The following GLRA3 variants were observed in gnomAD, a reference collection of about 807,000 sequenced individuals.
The protein encoded by GLRA3 is glycine receptor subunit alpha-3.
A neutral mutation model predicts 60.4 loss-of-function variants in GLRA3; 44 were observed. The observed-to-expected ratio is 0.73, with a 90% confidence interval of 0.57 to 0.94. The LOEUF (loss-of-function observed/expected upper bound fraction) is 0.94. Among genes scored for constraint, GLRA3 ranks in the 40% least tolerant of loss-of-function variants. The pLI, the probability that GLRA3 is intolerant of heterozygous loss-of-function variation, is 0.00. For synonymous variants in GLRA3, 223 were observed against 192.9 expected (o/e 1.16, Z -1.29); for missense variants, 508 against 564.6 (o/e 0.90, Z 1.02).
intron 5 of GLRA3, among the ~76,000 whole-genome samples, chr4:174,706,481 G>A (rs2111066638): frequency 6.6e-6 from 1 of 152,256 alleles, no homozygotes; most frequent in African/African-American, 2.4e-5. Context: ...TGAAGTAAAG[G>A]AGGTAAATGA....
chr4:174,785,905 G>A (rs996214607), intron 2 of GLRA3, among the ~76,000 whole-genome samples: 1 of 150,070 alleles, frequency 6.7e-6, no homozygotes, highest in Non-Finnish European at 1.5e-5. Flanking sequence ...AAGAAGCCAG[G>A]ACTAAAGGTG....
intron 4 of GLRA3, 76 bp downstream of exon 4, chr4:174,728,399 T>C: frequency 1.2e-6 from 1 of 808,302 alleles, no homozygotes; most frequent in Non-Finnish European, 2.0e-6. Flanking sequence ...GTCAAAACTT[T>C]CACCAAACAA....
At chr4:174,665,272 TGG>T (rs1733619331) in intron 7 of GLRA3, among the ~76,000 whole-genome samples, 1 of 147,852 alleles carries the variant, frequency 6.8e-6, no homozygotes, top group South Asian at 2.1e-4. Context: ...TACTTTGGAC[TGG>T]AACCCTCCTT....
intron 1 of GLRA3, among the ~76,000 whole-genome samples, chr4:174,815,259 A>G (rs1199386751): frequency 6.6e-6 from 1 of 152,150 alleles, no homozygotes; most frequent in African/African-American, 2.4e-5. Flanking sequence ...GCAGCTCCAC[A>G]TTGTGGCTTT....
In GLRA3 at chr4:174,643,282, T is replaced by A. The variant is rs1732682695; in HGVS notation, c.*504A>T. The stretch of plus-strand genomic sequence containing the variant: ...AATTACATATGTTGTTTAAATAGTA[T>A]TTATATGTACAATCCTCCATTAATA... On this transcript the variant is annotated 3_prime_UTR_variant, in exon 10 of 10. Transcript: ENST00000274093. 3.0e-6 allele frequency: 2 copies of A among 658,922 alleles called. No homozygotes were observed. Among genetic ancestry groups the A allele is most frequent in the South Asian group, 1.4e-4 (2 of 14,296 alleles). The allele number at this position is 658,922 out of a possible 1,614,324, so 40.8% of individuals were successfully genotyped here.
At chr4:174,786,147 C>G (rs1449126556) in intron 2 of GLRA3, among the ~76,000 whole-genome samples, 1 of 151,846 alleles carries the variant, frequency 6.6e-6, no homozygotes, top group East Asian at 1.9e-4. Flanking sequence ...AACTTGCTTA[C>G]TATTAATTCA....
chr4:174,794,864 T>C (rs1218302602), intron 1 of GLRA3, among the ~76,000 whole-genome samples: 3 of 152,052 alleles, frequency 2.0e-5, no homozygotes, highest in Non-Finnish European at 2.9e-5. Context: ...TCATGACTAA[T>C]TCACCAGGGG....
chr4:174,762,350 CAGTT>C (rs1329075438), intron 3 of GLRA3, among the ~76,000 whole-genome samples: 2 of 151,998 alleles, frequency 1.3e-5, no homozygotes, highest in African/African-American at 2.4e-5. Context: ...AAAAGTTTGA[CAGTT>C]AGCTGAGAAC....
intron 5 of GLRA3, among the ~76,000 whole-genome samples, chr4:174,688,579 A>AGT (rs59653917): frequency 0.13 from 17,829 of 133,666 alleles, 1,347 homozygotes; most frequent in East Asian, 0.27. Flanking sequence ...GGAAGGAGGA[A>AGT]GTGTGTGTGT....
At chr4:174,734,807 C>A (rs1344281670) in intron 3 of GLRA3, among the ~76,000 whole-genome samples, 2 of 152,090 alleles carry the variant, frequency 1.3e-5, no homozygotes. Context: ...GAATACTACC[C>A]ATTCTGTACA....
intron 6 of GLRA3, among the ~76,000 whole-genome samples, chr4:174,682,000 G>A (rs1429007028): frequency 2.0e-5 from 3 of 152,158 alleles, no homozygotes; most frequent in Non-Finnish European, 4.4e-5. Flanking sequence ...ATAGTGAAAG[G>A]TCACAGCACA....
intron 3 of GLRA3, among the ~76,000 whole-genome samples, chr4:174,729,753 A>G (rs1172386195): frequency 6.6e-6 from 1 of 152,216 alleles, no homozygotes; most frequent in Non-Finnish European, 1.5e-5. Flanking sequence ...TAAAGCAAAC[A>G]TTATAAGACC....
chr4:174,692,354 G>T (rs532256967), intron 5 of GLRA3, among the ~76,000 whole-genome samples: 2,042 of 148,950 alleles, frequency 0.014, 66 homozygotes, highest in African/African-American at 0.046. Context: ...CGCCACGTCC[G>T]GGAGATGAGG....
chr4:174,707,134 T>C (rs911211313), intron 5 of GLRA3, among the ~76,000 whole-genome samples: 12 of 152,216 alleles, frequency 7.9e-5, no homozygotes, highest in African/African-American at 2.9e-4. Context: ...TTATAGCTGA[T>C]TGAAAAAGCA....
chr4:174,766,087 T>C (rs1738132322), intron 3 of GLRA3, among the ~76,000 whole-genome samples: 1 of 151,962 alleles, frequency 6.6e-6, no homozygotes, highest in South Asian at 2.1e-4. Context: ...GAAAATTTAC[T>C]ACCTATTTAC....
At chr4:174,698,617 C>T (rs984600032) in intron 5 of GLRA3, among the ~76,000 whole-genome samples, 3 of 152,168 alleles carry the variant, frequency 2.0e-5, no homozygotes, top group Admixed American at 6.5e-5. Context: ...TGATCCACTT[C>T]AAATTCATAT....
At chr4:174,654,121 C>T (rs959013209) in intron 9 of GLRA3, among the ~76,000 whole-genome samples, 1 of 152,006 alleles carries the variant, frequency 6.6e-6, no homozygotes, top group Non-Finnish European at 1.5e-5. Context: ...CATCTTAGCT[C>T]TAGAATAGCA....
intron 1 of GLRA3, among the ~76,000 whole-genome samples, chr4:174,805,170 C>T (rs115264090): frequency 2.9e-3 from 442 of 152,238 alleles, no homozygotes; most frequent in African/African-American, 0.01. Flanking sequence ...GTGCTGAGGA[C>T]TCCTTTACCC....
At chr4:174,767,710 C>T (rs1738206728) in intron 2 of GLRA3, among the ~76,000 whole-genome samples, 1 of 152,106 alleles carries the variant, frequency 6.6e-6, no homozygotes, top group African/African-American at 2.4e-5. Flanking sequence ...GACATGTCTT[C>T]AGTGCTCAGG....
Sources: gnomAD v4.1 joint callset for allele counts (sites outside exome capture counted in the v4.1 genomes callset) on GRCh38, gnomAD v4.1.1 for gene constraint, MANE v1.5 for transcripts, NCBI Gene and HGNC (gene_info 2026-07-23, HGNC 2026-07-21) for gene names.